RBFOX1: variants seen among roughly 807,000 people sequenced by gnomAD.
RBFOX1 encodes RNA binding protein fox-1 homolog 1.
RBFOX1 carries 8 observed loss-of-function variants against 57.7 expected under a neutral mutation model. That is an observed-to-expected ratio of 0.14 (90% confidence interval 0.08 to 0.25). The LOEUF (loss-of-function observed/expected upper bound fraction) is 0.25. RBFOX1 is among the 10% of genes least tolerant of loss of function. The pLI is 1.00. For synonymous variants in RBFOX1, 326 were observed against 222.4 expected (o/e 1.47, Z -4.15); for missense variants, 611 against 548.5 (o/e 1.11, Z -1.14).
chr16:6,266,358 C>T (rs928391401), intron 1 of RBFOX1, among the ~76,000 whole-genome samples: 2 of 152,170 alleles, frequency 1.3e-5, no homozygotes, highest in Non-Finnish European at 2.9e-5. Context: ...TCTCAGAAGC[C>T]ATTTCTTTGT....
At chr16:6,220,368 T>G (rs2097364663) in intron 1 of RBFOX1, among the ~76,000 whole-genome samples, 1 of 152,180 alleles carries the variant, frequency 6.6e-6, no homozygotes, top group Non-Finnish European at 1.5e-5. Context: ...TAAGACTCCT[T>G]TAACACAACC....
At chr16:7,088,178 A>C (rs892015714) in intron 4 of RBFOX1, among the ~76,000 whole-genome samples, 15 of 152,292 alleles carry the variant, frequency 9.8e-5, no homozygotes, top group African/African-American at 3.6e-4. Context: ...TGTTTTTTGA[A>C]AACATTGATG....
At chr16:5,579,580 G>A (rs952327281) in intron 2 of RBFOX1, among the ~76,000 whole-genome samples, 2 of 152,024 alleles carry the variant, frequency 1.3e-5, no homozygotes, top group Non-Finnish European at 1.5e-5. Context: ...TCGCCCTGCT[G>A]CTCAAACCAC....
At chr16:5,319,278 C>G (rs921264852) in intron 1 of RBFOX1, among the ~76,000 whole-genome samples, 1 of 152,208 alleles carries the variant, frequency 6.6e-6, no homozygotes, top group Non-Finnish European at 1.5e-5. Flanking sequence ...CCTGTAGAAG[C>G]TGAGAGTGGT....
chr16:6,432,837 G>T (rs1246975770), intron 2 of RBFOX1, among the ~76,000 whole-genome samples: 4 of 152,062 alleles, frequency 2.6e-5, no homozygotes, highest in Admixed American at 6.6e-5. Context: ...ACTTAGCTGG[G>T]CGTGGTGGTG....
At chr16:6,893,058 C>G (rs969861696) in intron 3 of RBFOX1, among the ~76,000 whole-genome samples, 6 of 152,174 alleles carry the variant, frequency 3.9e-5, no homozygotes, top group Non-Finnish European at 5.9e-5. Context: ...TGATCTTTCT[C>G]TTCAGAACTT....
intron 4 of RBFOX1, among the ~76,000 whole-genome samples, chr16:7,137,492 A>G (rs2072362539): frequency 1.3e-5 from 2 of 152,208 alleles, no homozygotes; most frequent in South Asian, 2.1e-4. Context: ...CCCGCTGCCA[A>G]TGTAAGGAGT....
chr16:6,538,973 T>G (rs2096773397), intron 2 of RBFOX1, among the ~76,000 whole-genome samples: 1 of 152,172 alleles, frequency 6.6e-6, no homozygotes, highest in Admixed American at 6.5e-5. Context: ...TGTTGGTGTT[T>G]TTACCTCCAG....
At chr16:6,364,616 G>A (rs2089230906) in intron 2 of RBFOX1, among the ~76,000 whole-genome samples, 1 of 152,194 alleles carries the variant, frequency 6.6e-6, no homozygotes, top group African/African-American at 2.4e-5. Context: ...GAGACATATG[G>A]TCATATAGAG....
At chr16:5,604,513 G>C (rs1470291603), downstream of RBFOX1, among the ~76,000 whole-genome samples, 1 of 152,228 alleles carries the variant, frequency 6.6e-6, no homozygotes, top group Non-Finnish European at 1.5e-5. Context: ...CAATGTGACA[G>C]TGTGCTTTTC....
At chr16:6,608,237 G>A (rs968058906) in intron 2 of RBFOX1, among the ~76,000 whole-genome samples, 1 of 152,098 alleles carries the variant, frequency 6.6e-6, no homozygotes, top group Non-Finnish European at 1.5e-5. Flanking sequence ...GCATTGGTTT[G>A]TGTTATAATC....
chr16:7,407,743 T>G (rs2098370815), intron 4 of RBFOX1, among the ~76,000 whole-genome samples: 2 of 152,254 alleles, frequency 1.3e-5, no homozygotes, highest in Admixed American at 1.3e-4. Context: ...TGTGCAAGTC[T>G]TCACAGTGCC....
At chr16:7,004,227 G>T (rs1376353059) in intron 3 of RBFOX1, 2 of 152,010 alleles carry the variant, frequency 1.3e-5, no homozygotes, top group Non-Finnish European at 2.9e-5. Flanking sequence ...ATTATCTTTT[G>T]AATCTTATGC....
At chr16:7,078,812 A>G (rs953212611) in intron 4 of RBFOX1, among the ~76,000 whole-genome samples, 17 of 136,946 alleles carry the variant, frequency 1.2e-4, no homozygotes, top group Non-Finnish European at 2.6e-4. Context: ...CCTCCCGAGT[A>G]GCTGGGATTA....
intron 3 of RBFOX1, among the ~76,000 whole-genome samples, chr16:6,994,436 AC>A (rs958678698): frequency 5.3e-5 from 8 of 151,866 alleles, no homozygotes; most frequent in African/African-American, 1.9e-4. Flanking sequence ...TGTAAAAACC[AC>A]CCCCAGCTCT....
chr16:6,630,509 G>T (rs111479116), intron 2 of RBFOX1, among the ~76,000 whole-genome samples: 14 of 152,114 alleles, frequency 9.2e-5, no homozygotes, highest in African/African-American at 3.4e-4. Flanking sequence ...GTCTTATTTC[G>T]TACTTAAAAC....
At chr16:6,484,977 C>T (rs1014799385) in intron 2 of RBFOX1, among the ~76,000 whole-genome samples, 3 of 152,146 alleles carry the variant, frequency 2.0e-5, no homozygotes, top group South Asian at 2.1e-4. Flanking sequence ...AAAATGGGGA[C>T]ATCTTTCTCC....
chr16:7,017,445 C>A (rs1388331976), intron 3 of RBFOX1, among the ~76,000 whole-genome samples: 8 of 152,186 alleles, frequency 5.3e-5, no homozygotes, highest in Non-Finnish European at 5.9e-5. Flanking sequence ...CAAACCTTAG[C>A]ATGCAACGCA....
Position 5,685,391 on chromosome 16 carries a change from C to T in RBFOX1, c.318+86430C>T, listed in dbSNP as rs1021893742. On this transcript the variant is annotated intron_variant, in intron 3 of 19. Coordinates refer to the RBFOX1 transcript ENST00000641259. ...CTTATGAGTAGATTCATCTTCCAAA[C>T]AACATTATTATTGCCTAAGGTTTTG... is the stretch of plus-strand genomic sequence containing the variant. Among the ~76,000 whole-genome samples, 3 of 152,178 alleles carry T rather than the reference C, an allele frequency of 2.0e-5. No homozygotes were observed. In the East Asian group the frequency reaches 5.8e-4, roughly 29 times the overall value.
Sources: allele counts gnomAD v4.1 joint callset (sites outside exome capture counted in the v4.1 genomes callset), GRCh38; gene constraint gnomAD v4.1.1; transcripts MANE v1.5; gene names NCBI Gene and HGNC (gene_info 2026-07-23, HGNC 2026-07-21).